The following NEDD4L variants were observed in gnomAD, a reference collection of about 807,000 sequenced individuals.
The protein encoded by NEDD4L is E3 ubiquitin-protein ligase NEDD4-like.
A neutral mutation model predicts 148.9 loss-of-function variants in NEDD4L; 54 were observed. The observed-to-expected ratio is 0.36, with a 90% confidence interval of 0.29 to 0.45. The LOEUF is 0.45. NEDD4L is among the 20% of genes least tolerant of loss of function. The pLI is 1.00. For synonymous variants in NEDD4L, 433 were observed against 440.7 expected, an observed-to-expected ratio of 0.98 and a Z score of 0.22; for missense variants, 856 against 1,233.8, an observed-to-expected ratio of 0.69 and a Z score of 4.59.
At chr18:58,236,916 G>C (rs956257720) in intron 2 of NEDD4L, among the ~76,000 whole-genome samples, 1 of 151,972 alleles carries the variant, frequency 6.6e-6, no homozygotes, top group Admixed American at 6.6e-5. Flanking sequence ...CCAGCTACTC[G>C]GGAGGCTGAG....
intron 2 of NEDD4L, among the ~76,000 whole-genome samples, chr18:58,220,923 G>C (rs925944436): frequency 6.6e-6 from 1 of 152,146 alleles, no homozygotes; most frequent in African/African-American, 2.4e-5. Flanking sequence ...GTAGAGCTCT[G>C]CTGGCACCTT....
intron 2 of NEDD4L, among the ~76,000 whole-genome samples, chr18:58,224,189 A>G (rs73454609): frequency 8.1e-4 from 123 of 152,366 alleles, no homozygotes; most frequent in African/African-American, 2.9e-3. Context: ...GGCCTGCAGC[A>G]GGCAAGAGGA....
chr18:58,339,765 G>A (rs769142079), intron 13 of NEDD4L, among the ~76,000 whole-genome samples: 4 of 152,022 alleles, frequency 2.6e-5, no homozygotes, highest in African/African-American at 4.8e-5. Flanking sequence ...CAAATTACCC[G>A]GCAGCATCCT....
chr18:58,045,387 A>T (rs1488981229), intron 1 of NEDD4L: 3 of 375,992 alleles, frequency 8.0e-6, no homozygotes, highest in Non-Finnish European at 9.4e-6. Context: ...CCTCCCGAGG[A>T]TTCAAAGCCC....
chr18:58,295,103 A>C, intron 5 of NEDD4L, among the ~76,000 whole-genome samples: 1 of 152,182 alleles, frequency 6.6e-6, no homozygotes, highest in Non-Finnish European at 1.5e-5. Context: ...TGATGAGCCG[A>C]CATTGACACA....
chr18:58,351,715 T>C (rs1314894541), intron 18 of NEDD4L, among the ~76,000 whole-genome samples: 1 of 152,230 alleles, frequency 6.6e-6, no homozygotes, highest in Non-Finnish European at 1.5e-5. Context: ...CATATTTCTA[T>C]GTCCCTTAAA....
intron 1 of NEDD4L, among the ~76,000 whole-genome samples, chr18:58,083,197 A>G (rs909385995): frequency 2.0e-5 from 3 of 152,234 alleles, no homozygotes; most frequent in Non-Finnish European, 4.4e-5. Context: ...AGTTAGTGGT[A>G]TATATACGAG....
In NEDD4L at chr18:58,329,658, ATTTTTTT is replaced by A. The variant is rs1034872422; in HGVS notation, c.813+545_813+551del. 5.2e-5 allele frequency among the ~76,000 whole-genome samples: 7 copies of A among 135,556 alleles called. No homozygotes were observed. In the East Asian group the frequency reaches 1.1e-3, roughly 21 times the overall value. The allele number at this position is 135,556 out of a possible 152,430, so 88.9% of individuals were successfully genotyped here. A position where few individuals can be genotyped will look rare whatever the true frequency, so the allele number is the denominator to read the frequency against. ...TAGGTGCATGCCATCACAATGGCTA[ATTTTTTT>A]TTTTTTTTTTTTTCCTAGTAGAGAC... On this transcript the variant is annotated intron_variant, in intron 10 of 30. Coordinates refer to ENST00000400345, the MANE Select transcript of NEDD4L (RefSeq NM_001144967.3).
rs553355061 is a variant in NEDD4L, at chr18:58,256,740, C to T, written c.297+4686C>T. ...CCCCAGAATCCCGAGGAGAAAAGCG[C>T]CAAAAGCCCTGTTTCCACGGGAGCT... On this transcript the variant is annotated intron_variant, in intron 5 of 30. Coordinates refer to ENST00000400345, the MANE Select transcript of NEDD4L (RefSeq NM_001144967.3). The surrounding 1 kb of genome is among the most constrained non-coding windows in gnomAD (Gnocchi z 5.2). 2 of 1,232,054 alleles carry T rather than the reference C, an allele frequency of 1.6e-6. No homozygotes were observed. The highest frequency in any genetic ancestry group is 2.0e-6 in the Non-Finnish European group (2 of 988,000). 76.3% of individuals were successfully genotyped at this position (1,232,054 alleles called of 1,614,324 possible).
intron 18 of NEDD4L, among the ~76,000 whole-genome samples, chr18:58,355,172 T>TG (rs1308186661): frequency 6.6e-6 from 1 of 151,884 alleles, no homozygotes; most frequent in African/African-American, 2.4e-5. Context: ...GAACTGGGGT[T>TG]GGGGGGTGAG....
rs926456163 is a variant in NEDD4L at position 58,256,663 on chromosome 18, C to T, written c.297+4609C>T. ...CATTTAAGATCAGGCAGGATCAGAA[C>T]GCGGGGCAGCAGCATTTTAGAATTC... On this transcript the variant is annotated intron_variant, in intron 5 of 30. Coordinates refer to ENST00000400345, the MANE Select transcript of NEDD4L (RefSeq NM_001144967.3). This position sits in a 1 kb window ranked among gnomAD's most constrained non-coding sequence, Gnocchi z 5.2. The T allele has an allele frequency of 1.5e-5, 18 of 1,232,074 alleles. No homozygotes were observed. The highest frequency in any genetic ancestry group is 4.2e-5 in the Admixed American group (1 of 23,708). The allele number at this position is 1,232,074 out of a possible 1,614,324, so 76.3% of individuals were successfully genotyped here. A position where few individuals can be genotyped will look rare whatever the true frequency, so the allele number is the denominator to read the frequency against.
intron 5 of NEDD4L, among the ~76,000 whole-genome samples, chr18:58,279,880 C>G (rs1342209757): frequency 6.6e-6 from 1 of 152,148 alleles, no homozygotes; most frequent in African/African-American, 2.4e-5. Context: ...GCATTATACA[C>G]TTAGTTGTAA....
intron 2 of NEDD4L, among the ~76,000 whole-genome samples, chr18:58,193,360 C>T (rs8085049): frequency 0.054 from 8,281 of 152,184 alleles, 732 homozygotes; most frequent in African/African-American, 0.19. Flanking sequence ...TTCCTTTGTA[C>T]CTAAAAGAGG....
chr18:58,219,765 A>G (rs940448531), intron 2 of NEDD4L, among the ~76,000 whole-genome samples: 7 of 152,214 alleles, frequency 4.6e-5, no homozygotes, highest in Non-Finnish European at 1.0e-4. Flanking sequence ...TGAAGTATTA[A>G]AGACTTCAAC....
intron 5 of NEDD4L, 115 bp from the exon 6 acceptor site, chr18:58,315,865 CCA>C (rs2058202497): frequency 2.1e-6 from 2 of 933,368 alleles, no homozygotes; most frequent in Admixed American, 3.4e-5. Flanking sequence ...CTTCCGCCCT[CCA>C]CATTCCAGTG....
chr18:58,181,399 C>A (rs1175771802), intron 2 of NEDD4L, among the ~76,000 whole-genome samples: 1 of 152,232 alleles, frequency 6.6e-6, no homozygotes, highest in African/African-American at 2.4e-5. Flanking sequence ...AGCTTCAACA[C>A]TCTTCCAGGT....
chr18:58,143,234 A>G (rs541826236), intron 1 of NEDD4L, among the ~76,000 whole-genome samples: 2 of 152,328 alleles, frequency 1.3e-5, no homozygotes, highest in East Asian at 3.9e-4. Flanking sequence ...CTGGTAGGGA[A>G]ACTGAGGCTT....
At chr18:58,380,177 A>G (rs1295465232) in intron 24 of NEDD4L, among the ~76,000 whole-genome samples, 1 of 151,762 alleles carries the variant, frequency 6.6e-6, no homozygotes, top group Non-Finnish European at 1.5e-5. Flanking sequence ...CCAGTATCTC[A>G]AGAAAACTCA....
intron 2 of NEDD4L, among the ~76,000 whole-genome samples, chr18:58,171,482 C>T (rs979704115): frequency 2.6e-5 from 4 of 152,236 alleles, no homozygotes; most frequent in African/African-American, 9.6e-5. Flanking sequence ...CACTGCTGCT[C>T]CTGGGGCTGT....
Sources: allele counts gnomAD v4.1 joint callset (sites outside exome capture counted in the v4.1 genomes callset), GRCh38; gene constraint gnomAD v4.1.1; non-coding constraint Gnocchi (gnomAD v3.1); transcripts MANE v1.5; gene names NCBI Gene and HGNC (gene_info 2026-07-23, HGNC 2026-07-21).